Variants in CACNB4 observed in about 807,000 individuals in gnomAD.
The protein encoded by CACNB4 is calcium voltage-gated channel auxiliary subunit beta 4, also known as voltage-dependent L-type calcium channel subunit beta-4.
A neutral mutation model predicts 71.2 loss-of-function variants in CACNB4; 32 were observed. The observed-to-expected ratio is 0.45, with a 90% confidence interval of 0.34 to 0.60. CACNB4 has a LOEUF of 0.60. CACNB4 is among the 20% of genes least tolerant of loss of function. The probability of loss-of-function intolerance (pLI) is 0.01; values close to 1 mark genes in which losing one functional copy is unlikely to be tolerated. For synonymous variants in CACNB4, 231 were observed against 236.9 expected (o/e 0.97, Z 0.23); for missense variants, 464 against 647.9 (o/e 0.72, Z 3.08).
At chr2:152,028,121 G>GT (rs1384875400) in intron 2 of CACNB4, among the ~76,000 whole-genome samples, 1 of 152,122 alleles carries the variant, frequency 6.6e-6, no homozygotes, top group African/African-American at 2.4e-5. Flanking sequence ...CAAATGAGGG[G>GT]ATGAGGGAAG....
chr2:152,010,397 T>C lies in CACNB4; in HGVS notation c.147+87933A>G, dbSNP rs895268344. On this transcript the variant is annotated intron_variant, in intron 2 of 13. Coordinates refer to ENST00000539935, the MANE Select transcript of CACNB4 (RefSeq NM_000726.5). ...ACGTGGAAGGCTTTGGGACTTGAGA[T>C]CATTACAAGTTCGGTGTGGCACAGG... Among the ~76,000 whole-genome samples, 5 of 152,276 alleles carry C rather than the reference T, an allele frequency of 3.3e-5. No homozygotes were observed. In the South Asian group the frequency reaches 1.0e-3, roughly 32 times the overall value.
At chr2:152,018,068 G>C (rs1683447464) in intron 2 of CACNB4, among the ~76,000 whole-genome samples, 1 of 151,946 alleles carries the variant, frequency 6.6e-6, no homozygotes, top group Non-Finnish European at 1.5e-5. Flanking sequence ...CCTGACCTCA[G>C]GTGATCCACC....
chr2:151,974,754 G>A (rs1046606728), intron 2 of CACNB4, among the ~76,000 whole-genome samples: 1 of 150,430 alleles, frequency 6.6e-6, no homozygotes, highest in Non-Finnish European at 1.5e-5. Flanking sequence ...ACCTAGGACA[G>A]GTCCCACATT....
chr2:152,010,747 A>T (rs1683008044), intron 2 of CACNB4, among the ~76,000 whole-genome samples: 1 of 152,184 alleles, frequency 6.6e-6, no homozygotes, highest in Non-Finnish European at 1.5e-5. Context: ...CATGAGGGCC[A>T]CCCTGCCCAA....
At chr2:151,847,946 T>C (rs1450967073) in intron 12 of CACNB4, among the ~76,000 whole-genome samples, 1 of 152,216 alleles carries the variant, frequency 6.6e-6, no homozygotes, top group Non-Finnish European at 1.5e-5. Flanking sequence ...TCATAATTCT[T>C]GCCAGTAATT....
In CACNB4 at chr2:151,925,759, G is replaced by A. The variant is rs377638581; in HGVS notation, c.148-42389C>T. Among the ~76,000 whole-genome samples, 13 of 152,260 alleles carry A rather than the reference G, an allele frequency of 8.5e-5. No individual in the cohort carries two copies. The East Asian group carries it at 1.5e-3, about 18-fold the overall frequency. On this transcript the variant is annotated intron_variant, in intron 2 of 13. Transcript: ENST00000539935. ...GGAAAGGGCCTTAGAGGCTGGTGTA[G>A]GGGGCAACAGCAAGGTGGTGGAGAA...
intron 2 of CACNB4, among the ~76,000 whole-genome samples, chr2:151,998,181 T>C (rs1241424418): frequency 6.6e-6 from 1 of 151,924 alleles, no homozygotes; most frequent in East Asian, 1.9e-4. Flanking sequence ...AAAAATTAGC[T>C]GGGCATGGTG....
chr2:152,082,219 GTTA>G (rs910915632), intron 2 of CACNB4, among the ~76,000 whole-genome samples: 2 of 152,192 alleles, frequency 1.3e-5, no homozygotes, highest in African/African-American at 4.8e-5. Context: ...ACTTGAAAGA[GTTA>G]TAAATTCCAG....
intron 2 of CACNB4, among the ~76,000 whole-genome samples, chr2:151,894,941 C>T (rs149176664): frequency 1.8e-3 from 270 of 152,162 alleles, no homozygotes; most frequent in African/African-American, 6.2e-3. Flanking sequence ...AGACATCCCA[C>T]GTTCATGGAT....
chr2:151,900,394 G>T (rs1350438284), intron 2 of CACNB4, among the ~76,000 whole-genome samples: 7 of 152,232 alleles, frequency 4.6e-5, no homozygotes, highest in Non-Finnish European at 1.0e-4. Flanking sequence ...CTGGAACTGT[G>T]CCATAAGCAT....
chr2:151,934,415 C>T (rs1390033907), intron 2 of CACNB4, among the ~76,000 whole-genome samples: 1 of 152,206 alleles, frequency 6.6e-6, no homozygotes, highest in Non-Finnish European at 1.5e-5. Context: ...CAATCACCTA[C>T]CAGATACTGT....
chr2:151,997,889 C>A (rs978248135), intron 2 of CACNB4, among the ~76,000 whole-genome samples: 1 of 152,198 alleles, frequency 6.6e-6, no homozygotes, highest in Non-Finnish European at 1.5e-5. Context: ...ATACATGATA[C>A]TATCTTTTTC....
intron 2 of CACNB4, among the ~76,000 whole-genome samples, chr2:152,039,245 C>T (rs1684753701): frequency 6.6e-6 from 1 of 151,914 alleles, no homozygotes; most frequent in Admixed American, 6.6e-5. Context: ...GGTGAAACCC[C>T]ATCTCTACTA....
At chr2:151,929,095 T>C (rs1331348143) in intron 2 of CACNB4, among the ~76,000 whole-genome samples, 1 of 152,134 alleles carries the variant, frequency 6.6e-6, no homozygotes, top group African/African-American at 2.4e-5. Flanking sequence ...TCATTCCATC[T>C]AAGGCTGAAA....
In CACNB4 at chr2:152,098,469, G is replaced by A. The variant is rs754537528; in HGVS notation, c.64-56C>T. 17 of 1,512,718 alleles carry A rather than the reference G, an allele frequency of 1.1e-5. No homozygotes were observed. The highest frequency in any genetic ancestry group is 5.5e-5 in the African/African-American group (4 of 72,970). The allele number at this position is 1,512,718 out of a possible 1,614,324, so 93.7% of individuals were successfully genotyped here. ...GCCGGTGAGGACCGCAGCGCAGAGC[G>A]GGGCGACCACCCCCGGCTGGAGTCC... On this transcript the variant is annotated intron_variant, in intron 1 of 13. Transcript: ENST00000539935. This position sits in a 1 kb window ranked among gnomAD's most constrained non-coding sequence, Gnocchi z 5.3.
intron 2 of CACNB4, among the ~76,000 whole-genome samples, chr2:152,090,569 G>A (rs1687912196): frequency 6.6e-6 from 1 of 151,736 alleles, no homozygotes; most frequent in South Asian, 2.1e-4. Context: ...CTTGAACCTG[G>A]GAGGCAGAGG....
intron 2 of CACNB4, among the ~76,000 whole-genome samples, chr2:152,029,179 G>GA (rs1310014831): frequency 6.6e-6 from 1 of 152,174 alleles, no homozygotes; most frequent in African/African-American, 2.4e-5. Flanking sequence ...CCCATGATGA[G>GA]ATTAGGGTTC....
intron 2 of CACNB4, among the ~76,000 whole-genome samples, chr2:151,919,016 G>C (rs2099858247): frequency 6.6e-6 from 1 of 152,196 alleles, no homozygotes; most frequent in Admixed American, 6.5e-5. Context: ...TATGGAAGGT[G>C]TGATTTCGCC....
intron 2 of CACNB4, among the ~76,000 whole-genome samples, chr2:152,077,250 G>C (rs1200451227): frequency 1.3e-5 from 2 of 152,016 alleles, no homozygotes; most frequent in East Asian, 1.9e-4. Flanking sequence ...GCGAAACCTT[G>C]TCTCTACTAA....
Sources: gnomAD v4.1 joint callset for allele counts (sites outside exome capture counted in the v4.1 genomes callset) on GRCh38, gnomAD v4.1.1 for gene constraint, Gnocchi (gnomAD v3.1) non-coding constraint, MANE v1.5 for transcripts, NCBI Gene and HGNC (gene_info 2026-07-23, HGNC 2026-07-21) for gene names.